Variants in ADGRL3 observed in about 807,000 individuals in gnomAD.
The protein encoded by ADGRL3 is adhesion G protein-coupled receptor L3, also known as calcium-independent alpha-latrotoxin receptor 3.
Under a neutral mutation model 153.5 loss-of-function variants are expected in ADGRL3, and 62 were observed. The ratio of observed to expected loss-of-function variants is 0.40; its 90% CI spans 0.33 to 0.50. The LOEUF (loss-of-function observed/expected upper bound fraction) is 0.50. Ranked by LOEUF, ADGRL3 falls within the 20% of genes least tolerant of loss-of-function variation. The pLI, the probability that ADGRL3 is intolerant of heterozygous loss-of-function variation, is 0.47. For synonymous variants in ADGRL3, 710 were observed against 672.5 expected, an observed-to-expected ratio of 1.06 and a Z score of -0.86; for missense variants, 1,641 against 1,859.4, an observed-to-expected ratio of 0.88 and a Z score of 2.16.
chr4:61,804,202 T>C (rs1206968839), intron 8 of ADGRL3, among the ~76,000 whole-genome samples: 1 of 152,198 alleles, frequency 6.6e-6, no homozygotes, highest in Admixed American at 6.5e-5. Context: ...CTCTTTATAC[T>C]TAGGTCATTC....
intron 13 of ADGRL3, among the ~76,000 whole-genome samples, chr4:61,926,148 A>G (rs1021597261): frequency 4.6e-5 from 7 of 152,216 alleles, no homozygotes; most frequent in Admixed American, 6.5e-5. Context: ...AAAATATGAT[A>G]TAAAAGATCA....
Position 61,934,965 on chromosome 4 carries a change from T to G in ADGRL3, c.2238T>G (p.Phe746Leu). The G allele has an allele frequency of 1.2e-6, 2 of 1,613,890 alleles. No homozygotes were observed. The highest frequency in any genetic ancestry group is 1.7e-6 in the Non-Finnish European group (2 of 1,179,806). ...MLLHTVEESA[F>L]VLADNLLKTD... ...TTCATACTGTGGAGGAAAGTGCTTT[T>G]GTGCTGGCTGATAACCTTTTGAAGA... Residue 746 changes from phenylalanine to leucine, a missense_variant, in exon 14 of 27, where the codon TTT becomes TTG. Around this residue, in one of 5 missense-constraint regions of ADGRL3, gnomAD observed 734 missense variants for 797.0 expected, o/e 0.92. Coordinates refer to ENST00000683033, the MANE Select transcript of ADGRL3 (RefSeq NM_001387552.1).
rs560899736 is a variant in ADGRL3, at chr4:61,358,373, G to A, written c.-239-24751G>A. On this transcript the variant is annotated intron_variant, in intron 1 of 26. Transcript: ENST00000683033. ...AGCACTTTGGGAGGCCAAGGTGGGC[G>A]GATCACGAGGTCAGGAGATCGAGAC... is the stretch of plus-strand genomic sequence containing the variant. Among the ~76,000 whole-genome samples, 189 of 152,044 alleles carry A rather than the reference G, an allele frequency of 1.2e-3. 1 individual carries two copies. The highest frequency in any genetic ancestry group is 1.5e-3 in the Non-Finnish European group (100 of 67,980).
intron 17 of ADGRL3, among the ~76,000 whole-genome samples, chr4:61,951,957 G>A (rs2098948837): frequency 6.6e-6 from 1 of 152,098 alleles, no homozygotes; most frequent in African/African-American, 2.4e-5. Flanking sequence ...CGTAGACAAG[G>A]GCTGTTGTGG....
At chr4:61,426,816 C>A (rs949469127) in intron 2 of ADGRL3, 2 of 152,266 alleles carry the variant, frequency 1.3e-5, no homozygotes, top group South Asian at 2.1e-4. Context: ...AATTGCTGCT[C>A]TGGGGACAAT....
chr4:61,232,367 G>A (rs141308542), intron 1 of ADGRL3, among the ~76,000 whole-genome samples: 11 of 151,548 alleles, frequency 7.3e-5, no homozygotes, highest in African/African-American at 2.2e-4. Context: ...GGAGTGCAAT[G>A]GTGTGATCTC....
At chr4:61,496,010 A>C (rs2098311808) in intron 2 of ADGRL3, among the ~76,000 whole-genome samples, 1 of 152,336 alleles carries the variant, frequency 6.6e-6, no homozygotes, top group East Asian at 1.9e-4. Context: ...ATCTGTCTTT[A>C]ATCATCGTAC....
At chr4:61,748,479 C>A (rs1222658311) in intron 8 of ADGRL3, among the ~76,000 whole-genome samples, 2 of 151,668 alleles carry the variant, frequency 1.3e-5, no homozygotes, top group African/African-American at 4.9e-5. Flanking sequence ...GCTACAGTAA[C>A]CAAAACAGCA....
intron 4 of ADGRL3, among the ~76,000 whole-genome samples, chr4:61,584,819 C>CT (rs1261911512): frequency 6.6e-6 from 1 of 151,728 alleles, no homozygotes; most frequent in African/African-American, 2.4e-5. Context: ...GACCAAAGTC[C>CT]TTTTTTTAAT....
At chr4:61,686,444 A>G (rs1295157399) in intron 6 of ADGRL3, among the ~76,000 whole-genome samples, 1 of 152,130 alleles carries the variant, frequency 6.6e-6, no homozygotes, top group Non-Finnish European at 1.5e-5. Context: ...TGAAACTAAA[A>G]AAATTAAATA....
At chr4:61,344,061 T>A (rs371538106) in intron 1 of ADGRL3, among the ~76,000 whole-genome samples, 19 of 152,310 alleles carry the variant, frequency 1.2e-4, no homozygotes, top group African/African-American at 4.3e-4. Flanking sequence ...AGTGCACTGA[T>A]AGTGGTCCTT....
chr4:61,819,351 A>G lies in ADGRL3; in HGVS notation c.1480+5462A>G, dbSNP rs2097724745. ...TAGCAATATCCTTTGAATTGCCTACAAACTAACACTAGCTAACCATCTTAC... is the reference window on the plus strand; with the variant it reads ...TAGCAATATCCTTTGAATTGCCTACGAACTAACACTAGCTAACCATCTTAC... On this transcript the variant is annotated intron_variant, in intron 9 of 26. Coordinates refer to ENST00000683033, the MANE Select transcript of ADGRL3 (RefSeq NM_001387552.1). Among the ~76,000 whole-genome samples, 5 of 152,248 alleles carry G rather than the reference A, an allele frequency of 3.3e-5. No individual in the cohort carries two copies. In the South Asian group the frequency reaches 1.0e-3, roughly 32 times the overall value.
chr4:61,585,715 T>G (rs1479933705), intron 4 of ADGRL3, among the ~76,000 whole-genome samples: 1 of 152,034 alleles, frequency 6.6e-6, no homozygotes, highest in Non-Finnish European at 1.5e-5. Flanking sequence ...TTTGTTGAGT[T>G]ATCATAACTT....
intron 1 of ADGRL3, among the ~76,000 whole-genome samples, chr4:61,333,903 A>T (rs1248844085): frequency 6.7e-6 from 1 of 148,622 alleles, no homozygotes; most frequent in Non-Finnish European, 1.5e-5. Flanking sequence ...GGCATGAGCC[A>T]CTGTGCCCTG....
chr4:62,001,713 T>C (rs2099140906), intron 21 of ADGRL3, among the ~76,000 whole-genome samples: 1 of 152,132 alleles, frequency 6.6e-6, no homozygotes, highest in African/African-American at 2.4e-5. Flanking sequence ...TTCAAAATGG[T>C]ATAGTAAATG....
At chr4:61,439,711 T>C (rs147435869) in intron 2 of ADGRL3, among the ~76,000 whole-genome samples, 1,786 of 152,252 alleles carry the variant, frequency 0.012, 13 homozygotes, top group Non-Finnish European at 0.019. Context: ...AGTATTTGGC[T>C]TTCTGTTCTT....
At chr4:61,899,016 G>GAAC (rs76615961) in intron 11 of ADGRL3, among the ~76,000 whole-genome samples, 75,424 of 151,456 alleles carry the variant, frequency 0.5, 18,929 homozygotes, top group African/African-American at 0.55. Flanking sequence ...CTGCCATTTT[G>GAAC]ATGCCTACTC....
At chr4:61,218,046 G>A (rs566610220) in intron 1 of ADGRL3, among the ~76,000 whole-genome samples, 18 of 152,152 alleles carry the variant, frequency 1.2e-4, no homozygotes, top group African/African-American at 4.3e-4. Flanking sequence ...ATTTAAATTT[G>A]GGGGGACTTT....
intron 6 of ADGRL3, among the ~76,000 whole-genome samples, chr4:61,724,954 T>C (rs1447954460): frequency 6.6e-6 from 1 of 152,142 alleles, no homozygotes; most frequent in African/African-American, 2.4e-5. Context: ...CCATTTTTTT[T>C]CCTGTATTTT....
Sources: allele counts gnomAD v4.1 joint callset (sites outside exome capture counted in the v4.1 genomes callset), GRCh38; gene constraint gnomAD v4.1.1; regional missense constraint gnomAD v4.1.1; transcripts MANE v1.5; gene names NCBI Gene and HGNC (gene_info 2026-07-23, HGNC 2026-07-21).